EPC2: variants seen among roughly 807,000 people sequenced by gnomAD.
The protein encoded by EPC2 is enhancer of polycomb 2.
EPC2 carries 14 observed loss-of-function variants against 92.1 expected under a neutral mutation model. That is an observed-to-expected ratio of 0.15 (90% confidence interval 0.10 to 0.24). The LOEUF is 0.24. Among genes scored for constraint, EPC2 ranks in the 10% least tolerant of loss-of-function variants. EPC2 has a pLI of 1.00. For synonymous variants in EPC2, 340 were observed against 334.7 expected, an observed-to-expected ratio of 1.02 and a Z score of -0.17; for missense variants, 755 against 971.5, an observed-to-expected ratio of 0.78 and a Z score of 2.96.
chr2:148,658,700 A>G (rs1039041971), intron 1 of EPC2, among the ~76,000 whole-genome samples: 3 of 151,404 alleles, frequency 2.0e-5, no homozygotes, highest in African/African-American at 7.3e-5. Context: ...GATTGATTTC[A>G]TGATTCACTA....
At chr2:148,741,318 G>A (rs961001901) in intron 2 of EPC2, among the ~76,000 whole-genome samples, 3 of 151,996 alleles carry the variant, frequency 2.0e-5, no homozygotes, top group Admixed American at 2.0e-4. Context: ...CTTGCCCATA[G>A]TACTATATAA....
chr2:148,727,924 G>A (rs1682529409), intron 2 of EPC2, among the ~76,000 whole-genome samples: 1 of 152,108 alleles, frequency 6.6e-6, no homozygotes, highest in Non-Finnish European at 1.5e-5. Flanking sequence ...CTTTATAAGT[G>A]ACCACAAGTG....
chr2:148,654,419 C>A (rs1472070197), intron 1 of EPC2, among the ~76,000 whole-genome samples: 1 of 152,030 alleles, frequency 6.6e-6, no homozygotes, highest in Non-Finnish European at 1.5e-5. Flanking sequence ...TTTCTCATGC[C>A]AATTAAACAT....
chr2:148,704,233 C>T (rs1227610035), intron 2 of EPC2, among the ~76,000 whole-genome samples: 1 of 152,168 alleles, frequency 6.6e-6, no homozygotes, highest in Non-Finnish European at 1.5e-5. Flanking sequence ...AAGGCAGTGA[C>T]ACATGGTTAC....
chr2:148,759,076 G>GA (rs1683249169), intron 4 of EPC2, among the ~76,000 whole-genome samples: 1 of 151,946 alleles, frequency 6.6e-6, no homozygotes, highest in African/African-American at 2.4e-5. Flanking sequence ...CCTAGACCAG[G>GA]AAAAAATGTA....
chr2:148,708,256 A>G (rs915482617), intron 2 of EPC2, among the ~76,000 whole-genome samples: 8 of 152,178 alleles, frequency 5.3e-5, no homozygotes, highest in Admixed American at 2.6e-4. Context: ...GAAATTGACA[A>G]ATTCCTCGAC....
chr2:148,763,309 A>G (rs1558833377), intron 6 of EPC2, among the ~76,000 whole-genome samples: 1 of 152,148 alleles, frequency 6.6e-6, no homozygotes, highest in Admixed American at 6.5e-5. Context: ...TTTCTGGGTC[A>G]CAGTTTCTTC....
At position 148,645,298 on chromosome 2, in the gene EPC2, T is replaced by C. The variant is rs1405850633; in HGVS notation, c.153+128T>C. ...CCGCTGCCGCTCTAACGCACGGGACTCTACGCCGGCGGAGTAGCGTAAACC... is the reference window on the plus strand; with the variant it reads ...CCGCTGCCGCTCTAACGCACGGGACCCTACGCCGGCGGAGTAGCGTAAACC... On this transcript the variant is annotated intron_variant, in intron 1 of 13. Transcript: ENST00000258484. 3 of 830,190 alleles carry C rather than the reference T, an allele frequency of 3.6e-6. No individual in the cohort carries two copies. In the East Asian group the frequency reaches 8.9e-5, roughly 25 times the overall value. 51.4% of individuals were successfully genotyped at this position (830,190 alleles called of 1,614,324 possible).
At chr2:148,696,381 G>A (rs939879046) in intron 2 of EPC2, among the ~76,000 whole-genome samples, 6 of 152,156 alleles carry the variant, frequency 3.9e-5, no homozygotes, top group African/African-American at 1.4e-4. Context: ...GTTTAAAGGA[G>A]AACGCCCCTT....
intron 1 of EPC2, among the ~76,000 whole-genome samples, chr2:148,666,790 G>T (rs1681064276): frequency 6.6e-6 from 1 of 152,062 alleles, no homozygotes; most frequent in Non-Finnish European, 1.5e-5. Flanking sequence ...TGGTGGTTTG[G>T]CTCAGCAGTG....
At chr2:148,692,092 C>T (rs1681656721) in intron 2 of EPC2, 1 of 311,090 alleles carries the variant, frequency 3.2e-6, no homozygotes, top group Non-Finnish European at 6.2e-6. Context: ...CTTCCCTTCA[C>T]TCTGTGTACC....
At chr2:148,655,737 A>G (rs921967118) in intron 1 of EPC2, among the ~76,000 whole-genome samples, 1 of 152,190 alleles carries the variant, frequency 6.6e-6, no homozygotes, top group Admixed American at 6.5e-5. Context: ...CCATGGCCCA[A>G]ATGGCAATCT....
Position 148,732,133 on chromosome 2 carries a change from A to G in EPC2, c.314-11489A>G, listed in dbSNP as rs149339279. 7.4e-4 allele frequency among the ~76,000 whole-genome samples: 113 copies of G among 152,362 alleles called. No individual in the cohort carries two copies. The East Asian group carries it at 0.013, about 17-fold the overall frequency. ...TTTTTCCTCACCAAGGGGAGCTAGA[A>G]TCAGGAAATAAAGTAAAATCTTCTG... On this transcript the variant is annotated intron_variant, in intron 2 of 13. Transcript: ENST00000258484.
At chr2:148,728,170 A>G (rs1005975481) in intron 2 of EPC2, among the ~76,000 whole-genome samples, 1 of 152,064 alleles carries the variant, frequency 6.6e-6, no homozygotes, top group East Asian at 1.9e-4. Context: ...TTGAATTCCT[A>G]GGCTCAAGCA....
intron 2 of EPC2, among the ~76,000 whole-genome samples, chr2:148,725,768 A>G (rs1451050945): frequency 6.6e-6 from 1 of 152,088 alleles, no homozygotes; most frequent in Non-Finnish European, 1.5e-5. Context: ...TTTCCTCATG[A>G]CATGATTCAG....
At chr2:148,689,653 G>A (rs532068519) in intron 1 of EPC2, among the ~76,000 whole-genome samples, 5 of 152,292 alleles carry the variant, frequency 3.3e-5, no homozygotes, top group African/African-American at 1.2e-4. Flanking sequence ...TCAGTAAGTT[G>A]TGGAAGTAAT....
At chr2:148,676,879 G>A (rs1323269521) in intron 1 of EPC2, among the ~76,000 whole-genome samples, 1 of 151,068 alleles carries the variant, frequency 6.6e-6, no homozygotes, top group Non-Finnish European at 1.5e-5. Flanking sequence ...TTTTGGGGGG[G>A]GGGTTGAATT....
intron 3 of EPC2, among the ~76,000 whole-genome samples, chr2:148,753,486 C>G (rs1286283679): frequency 1.3e-5 from 2 of 152,084 alleles, no homozygotes; most frequent in African/African-American, 4.8e-5. Flanking sequence ...GAATATTCAT[C>G]TTTTATTTTG....
intron 1 of EPC2, among the ~76,000 whole-genome samples, chr2:148,654,703 A>G (rs1187369865): frequency 6.6e-6 from 1 of 152,162 alleles, no homozygotes; most frequent in Admixed American, 6.6e-5. Flanking sequence ...GCTTTCAAAC[A>G]TTACAAGTTA....
Sources: allele counts gnomAD v4.1 joint callset (sites outside exome capture counted in the v4.1 genomes callset), GRCh38; gene constraint gnomAD v4.1.1; transcripts MANE v1.5; gene names NCBI Gene and HGNC (gene_info 2026-07-23, HGNC 2026-07-21).